The following FOXP1 variants were observed in gnomAD, a reference collection of about 807,000 sequenced individuals.
The protein encoded by FOXP1 is forkhead box protein P1.
FOXP1 carries 15 observed loss-of-function variants against 98.2 expected under a neutral mutation model. That is an observed-to-expected ratio of 0.15 (90% confidence interval 0.10 to 0.24). The LOEUF is 0.24. Among genes scored for constraint, FOXP1 ranks in the 10% least tolerant of loss-of-function variants. The pLI is 1.00. For synonymous variants in FOXP1, 371 were observed against 314.5 expected (o/e 1.18, Z -1.90); for missense variants, 633 against 848.5 (o/e 0.75, Z 3.15).
intron 12 of FOXP1, among the ~76,000 whole-genome samples, chr3:71,001,348 C>G (rs1429997677): frequency 6.6e-6 from 1 of 152,162 alleles, no homozygotes; most frequent in African/African-American, 2.4e-5. Flanking sequence ...GGTGGCATTT[C>G]AAGACCACCT....
At chr3:71,413,226 CCCCCAAATAG>C (rs2082913611) in intron 3 of FOXP1, among the ~76,000 whole-genome samples, 1 of 82,010 alleles carries the variant, frequency 1.2e-5, no homozygotes, top group African/African-American at 5.3e-5. Context: ...CACACACACC[CCCCCAAATAG>C]ACACACACAC....
rs1245341129 is a variant in FOXP1 at position 71,396,978 on chromosome 3, A to G, written c.-167-37734T>C. On this transcript the variant is annotated intron_variant, in intron 3 of 20. Coordinates refer to ENST00000649528, the MANE Select transcript of FOXP1 (RefSeq NM_001349338.3). Reference sequence around the variant, plus strand: ...TATATATATATGTGTGTATATATATATATGTGTATATATATACACATATAT... The same window carrying G: ...TATATATATATGTGTGTATATATATGTATGTGTATATATATACACATATAT... 6.8e-3 allele frequency among the ~76,000 whole-genome samples: 238 copies of G among 34,788 alleles called. 4 individuals are homozygous for G. The highest frequency in any genetic ancestry group is 0.012 in the Non-Finnish European group (173 of 14,478). 22.8% of individuals were successfully genotyped at this position (34,788 alleles called of 152,430 possible).
In FOXP1 at chr3:71,328,974, T is replaced by TAAAAAAAAAAAAA. The variant is rs869252301; in HGVS notation, c.-72-29107_-72-29095dup. Among the ~76,000 whole-genome samples the TAAAAAAAAAAAAA allele has an allele frequency of 1.6e-3, 49 of 31,182 alleles. 7 individuals carry two copies. The highest frequency in any genetic ancestry group is 0.013 in the South Asian group (4 of 298). The allele number at this position is 31,182 out of a possible 152,430, so 20.5% of individuals were successfully genotyped here. A position where few individuals can be genotyped will look rare whatever the true frequency, so the allele number is the denominator to read the frequency against. The stretch of plus-strand genomic sequence containing the variant: ...CAACAAGAGCGAAACTCCATCTCGC[T>TAAAAAAAAAAAAA]AAAAAAAAAAAAAAACAAAAAAAAA... On this transcript the variant is annotated intron_variant, in intron 4 of 20. Coordinates refer to ENST00000649528, the MANE Select transcript of FOXP1 (RefSeq NM_001349338.3).
At chr3:71,008,752 C>T (rs1249985447) in intron 12 of FOXP1, among the ~76,000 whole-genome samples, 1 of 151,978 alleles carries the variant, frequency 6.6e-6, no homozygotes, top group Non-Finnish European at 1.5e-5. Context: ...AAATCAAGGG[C>T]CCTGTGGTAT....
At chr3:71,315,205 C>T (rs1451452610) in intron 4 of FOXP1, among the ~76,000 whole-genome samples, 1 of 151,884 alleles carries the variant, frequency 6.6e-6, no homozygotes, top group Non-Finnish European at 1.5e-5. Context: ...AGGCACTTTC[C>T]ACACCGTACA....
chr3:70,960,238 G>A (rs574755782), intron 20 of FOXP1, among the ~76,000 whole-genome samples: 5 of 152,258 alleles, frequency 3.3e-5, no homozygotes, highest in East Asian at 3.9e-4. Context: ...AAACACAAAC[G>A]TAGAGGAAAA....
intron 4 of FOXP1, among the ~76,000 whole-genome samples, chr3:71,312,535 G>C (rs771816359): frequency 3.9e-4 from 60 of 152,200 alleles, no homozygotes; most frequent in Non-Finnish European, 6.2e-4. Context: ...TTAAAAATGA[G>C]AGAATAAGCT....
At chr3:71,294,174 T>C (rs1014917346) in intron 5 of FOXP1, among the ~76,000 whole-genome samples, 10 of 152,324 alleles carry the variant, frequency 6.6e-5, no homozygotes, top group Non-Finnish European at 8.8e-5. Context: ...GATGAAATAT[T>C]CTAAAACTGA....
intron 13 of FOXP1, 66 bp downstream of exon 13, chr3:71,000,906 G>T (rs999892125): frequency 3.0e-6 from 3 of 1,013,442 alleles, no homozygotes; most frequent in Non-Finnish European, 4.7e-6. Context: ...ACTCATTACA[G>T]AACACTACAG....
At chr3:71,235,035 T>C (rs1414754046) in intron 5 of FOXP1, among the ~76,000 whole-genome samples, 1 of 152,172 alleles carries the variant, frequency 6.6e-6, no homozygotes, top group Non-Finnish European at 1.5e-5. Context: ...TAAAGTGAGA[T>C]AATATCCCAC....
At chr3:71,313,860 C>G (rs926878471) in intron 4 of FOXP1, among the ~76,000 whole-genome samples, 3 of 152,110 alleles carry the variant, frequency 2.0e-5, no homozygotes, top group Non-Finnish European at 4.4e-5. Context: ...CTTGGGCTGC[C>G]TCACCTAAAA....
chr3:70,994,545 G>A (rs2041093324), intron 13 of FOXP1, among the ~76,000 whole-genome samples: 1 of 151,988 alleles, frequency 6.6e-6, no homozygotes, highest in South Asian at 2.1e-4. Flanking sequence ...CTTGCTTTTA[G>A]AAACTCTGCC....
intron 2 of FOXP1, among the ~76,000 whole-genome samples, chr3:71,531,547 CAAAG>C (rs1430139666): frequency 1.3e-5 from 2 of 152,088 alleles, no homozygotes; most frequent in Non-Finnish European, 2.9e-5. Flanking sequence ...AGTGAGGAAA[CAAAG>C]AAAGCACACT....
chr3:71,064,081 G>A (rs1159341826), intron 7 of FOXP1, among the ~76,000 whole-genome samples: 1 of 152,036 alleles, frequency 6.6e-6, no homozygotes, highest in African/African-American at 2.4e-5. Flanking sequence ...CCCAAACCCC[G>A]CTCACTACTT....
intron 3 of FOXP1, among the ~76,000 whole-genome samples, chr3:71,371,513 C>G (rs2079312434): frequency 6.6e-6 from 1 of 152,214 alleles, no homozygotes. Flanking sequence ...AGGCTGGGTG[C>G]AGTGACTCAT....
At chr3:71,202,340 C>A (rs2063729181) in intron 5 of FOXP1, among the ~76,000 whole-genome samples, 1 of 152,258 alleles carries the variant, frequency 6.6e-6, no homozygotes, top group South Asian at 2.1e-4. Context: ...CATAATCTCC[C>A]ACACCAATCA....
intron 2 of FOXP1, among the ~76,000 whole-genome samples, chr3:71,531,029 CAGCT>C (rs71792085): frequency 0.31 from 47,245 of 152,000 alleles, 8,627 homozygotes; most frequent in Non-Finnish European, 0.42. Flanking sequence ...CTAAATAGCA[CAGCT>C]ATTAATAAAA....
chr3:71,519,678 T>C (rs1362951406), intron 2 of FOXP1, among the ~76,000 whole-genome samples: 2 of 152,248 alleles, frequency 1.3e-5, no homozygotes, highest in Non-Finnish European at 1.5e-5. Context: ...ACTCAGTCTT[T>C]GGCATGCCTC....
chr3:71,112,577 A>T lies in FOXP1; in HGVS notation c.241T>A (p.Leu81Ile). ...TTGTCATTCCTCTTGGGAGATTTTA[A>T]TCCACTAACTTGCTGCTGCTGTTGC... is the stretch of plus-strand genomic sequence containing the variant. ...QQQQQQQVSG[L>I]KSPKRNDKQP... Residue 81 changes from leucine (L) to isoleucine (I), a missense_variant, in exon 7 of 21, where the codon TTA becomes ATA. Physicochemically the swap from Leu to Ile is conservative, Grantham distance 5 (BLOSUM62 2). This residue lies in a region of FOXP1 where 210 missense variants were observed against 270.6 expected (regional missense o/e 0.78). Coordinates refer to ENST00000649528, the MANE Select transcript of FOXP1 (RefSeq NM_001349338.3). The T allele has an allele frequency of 6.2e-7, 1 of 1,614,098 alleles. No individual in the cohort carries two copies. Among genetic ancestry groups the T allele is most frequent in the Non-Finnish European group, 8.5e-7 (1 of 1,179,956 alleles).
Sources: gnomAD v4.1 joint callset for allele counts (sites outside exome capture counted in the v4.1 genomes callset) on GRCh38, gnomAD v4.1.1 for gene constraint, gnomAD v4.1.1 regional missense constraint, MANE v1.5 for transcripts, NCBI Gene and HGNC (gene_info 2026-07-23, HGNC 2026-07-21) for gene names.